Variants in ME1 observed in about 807,000 individuals in gnomAD.
The protein encoded by ME1 is malic enzyme 1, also known as NADP-dependent malic enzyme.
Under a neutral mutation model 66.4 loss-of-function variants are expected in ME1, and 74 were observed. The ratio of observed to expected loss-of-function variants is 1.11; its 90% CI spans 0.92 to 1.35. The LOEUF (loss-of-function observed/expected upper bound fraction) is 1.35, where lower values mean the gene tolerates loss of function less well. Ranked by LOEUF, ME1 falls within the 40% of genes most tolerant of loss-of-function variation. The pLI is 0.00. For missense variants in ME1, 750 were observed against 694.1 expected (o/e 1.08, Z -0.90); for synonymous variants, 251 against 235.6 (o/e 1.07, Z -0.60).
At chr6:83,292,309 A>T (rs187059037) in intron 6 of ME1, among the ~76,000 whole-genome samples, 416 of 152,146 alleles carry the variant, frequency 2.7e-3, no homozygotes, top group Non-Finnish European at 5.0e-3. Context: ...TTTGGTGTGG[A>T]TGTCCTTCTT....
At chr6:83,237,287 GGAAGGAA>G (rs1562455311) in intron 9 of ME1, among the ~76,000 whole-genome samples, 3 of 45,858 alleles carry the variant, frequency 6.5e-5, no homozygotes, top group Non-Finnish European at 1.3e-4. Context: ...AAGGAAGGAA[GGAAGGAA>G]AGAAAGAAAA....
At chr6:83,416,893 TA>T (rs34223363) in intron 1 of ME1, among the ~76,000 whole-genome samples, 18,151 of 123,828 alleles carry the variant, frequency 0.15, 1,209 homozygotes, top group Middle Eastern at 0.28. Context: ...GAGATTTGTC[TA>T]AAAAAAAAAA....
In ME1 at chr6:83,430,939, G is replaced by A; in HGVS notation, c.16C>T (p.Pro6Ser). Residue 6 changes from proline to serine, a missense_variant, in exon 1 of 14, where the codon CCC becomes TCC. Pro to Ser is a moderately conservative substitution (Grantham distance 74). Transcript: ENST00000369705. The stretch of plus-strand genomic sequence containing the variant: ...CGCTGATGGGTGTGGCGGCGACGGG[G>A]GGCTTCGGGCTCCATGGCTGGCGCC... MEPEA[P>S]RRRHTHQRGY... The A allele has an allele frequency of 1.3e-6, 2 of 1,586,166 alleles. No homozygotes were observed. Among genetic ancestry groups the A allele is most frequent in the African/African-American group, 1.4e-5 (1 of 71,860 alleles).
chr6:83,429,259 T>C (rs764410220), intron 1 of ME1, among the ~76,000 whole-genome samples: 5 of 151,604 alleles, frequency 3.3e-5, no homozygotes, highest in African/African-American at 2.4e-5. Context: ...CGCGACTCCG[T>C]CTCAAATAAT....
chr6:83,245,454 G>A (rs1474408057), intron 7 of ME1, among the ~76,000 whole-genome samples: 1 of 152,070 alleles, frequency 6.6e-6, no homozygotes, highest in Non-Finnish European at 1.5e-5. Context: ...TGTTCATGCT[G>A]GAGTGCAATG....
intron 7 of ME1, among the ~76,000 whole-genome samples, chr6:83,250,511 C>T (rs1179157821): frequency 6.6e-6 from 1 of 152,206 alleles, no homozygotes; most frequent in Non-Finnish European, 1.5e-5. Flanking sequence ...CTCACTTTAT[C>T]CATCTCAGTT....
intron 3 of ME1, among the ~76,000 whole-genome samples, chr6:83,369,886 G>C (rs1414158371): frequency 6.6e-6 from 1 of 152,022 alleles, no homozygotes; most frequent in Non-Finnish European, 1.5e-5. Flanking sequence ...ACTGATTACA[G>C]AGAATTCTTA....
At chr6:83,228,706 G>A (rs1015696415) in intron 10 of ME1, 120 bp downstream of exon 10, 7 of 690,506 alleles carry the variant, frequency 1.0e-5, no homozygotes, top group Non-Finnish European at 1.5e-5. Context: ...ACTGTCGCTT[G>A]AGCGAACGTG....
chr6:83,400,464 T>A (rs1432949011), intron 2 of ME1, among the ~76,000 whole-genome samples: 1 of 152,222 alleles, frequency 6.6e-6, no homozygotes, highest in African/African-American at 2.4e-5. Flanking sequence ...TATTTCTTTA[T>A]AGCAATGCAA....
intron 2 of ME1, among the ~76,000 whole-genome samples, chr6:83,398,905 C>A (rs760874680): frequency 2.5e-4 from 38 of 152,024 alleles, no homozygotes; most frequent in Non-Finnish European, 4.9e-4. Flanking sequence ...AGTTCAAGAC[C>A]AGCCTGGCCA....
At chr6:83,340,697 CA>C (rs1468085026) in intron 5 of ME1, among the ~76,000 whole-genome samples, 3 of 149,604 alleles carry the variant, frequency 2.0e-5, no homozygotes, top group African/African-American at 7.4e-5. Context: ...TTTTTTTTAC[CA>C]AGTTTGGATA....
intron 1 of ME1, among the ~76,000 whole-genome samples, chr6:83,416,850 C>T (rs1414473330): frequency 6.7e-6 from 1 of 148,518 alleles, no homozygotes; most frequent in Non-Finnish European, 1.5e-5. Flanking sequence ...GAGTCAAGAT[C>T]ATGCCACTGC....
At chr6:83,216,694 A>C (rs1244617878) in intron 12 of ME1, 98 bp from the exon 13 acceptor site, 2 of 727,422 alleles carry the variant, frequency 2.7e-6, no homozygotes, top group African/African-American at 3.6e-5. Flanking sequence ...ATAATGGTCT[A>C]TACAAAAACC....
chr6:83,398,580 CTAAT>C (rs2128550759), intron 2 of ME1, 64 bp from the exon 3 acceptor site: 1 of 811,428 alleles, frequency 1.2e-6, no homozygotes, highest in Non-Finnish European at 1.9e-6. Flanking sequence ...ACTTAGAAAT[CTAAT>C]TAAATATTTT....
At chr6:83,425,469 G>A (rs1323341563) in intron 1 of ME1, among the ~76,000 whole-genome samples, 1 of 152,076 alleles carries the variant, frequency 6.6e-6, no homozygotes, top group African/African-American at 2.4e-5. Context: ...TGGCGGGAGG[G>A]GAAACAAACA....
At position 83,398,551 on chromosome 6, in the gene ME1, A is replaced by G. The variant is rs747520240; in HGVS notation, c.213-35T>C. On this transcript the variant is annotated intron_variant, in intron 2 of 13. Coordinates refer to ENST00000369705, the MANE Select transcript of ME1 (RefSeq NM_002395.6). The stretch of plus-strand genomic sequence containing the variant: ...TTGGACATAATTAGATCTACATCCC[A>G]TAAAGTCATGAAATAGCTACTTAGA... 16 of 1,205,936 alleles carry G rather than the reference A, an allele frequency of 1.3e-5. No individual in the cohort carries two copies. The Admixed American group carries it at 3.5e-4, about 26-fold the overall frequency. The allele number at this position is 1,205,936 out of a possible 1,614,324, so 74.7% of individuals were successfully genotyped here.
chr6:83,416,668 C>T lies in ME1; in HGVS notation c.79-8767G>A, dbSNP rs558878815. The stretch of plus-strand genomic sequence containing the variant: ...GTTTGGGAGGCCAAGGCAGGAGGAT[C>T]GCTTGAGCTCAGGAGTGCGAGACCA... On this transcript the variant is annotated intron_variant, in intron 1 of 13. Transcript: ENST00000369705. 4.3e-4 allele frequency among the ~76,000 whole-genome samples: 66 copies of T among 152,134 alleles called. 1 individual carries two copies. In the South Asian group the frequency reaches 0.013, roughly 30 times the overall value.
At chr6:83,387,102 A>T (rs867752841) in intron 3 of ME1, among the ~76,000 whole-genome samples, 7 of 152,178 alleles carry the variant, frequency 4.6e-5, no homozygotes, top group Admixed American at 1.3e-4. Context: ...TTTCTTTTCC[A>T]TAAACAACTT....
intron 2 of ME1, among the ~76,000 whole-genome samples, chr6:83,403,928 A>C (rs1201108534): frequency 6.6e-6 from 1 of 152,130 alleles, no homozygotes; most frequent in Admixed American, 6.5e-5. Flanking sequence ...GGTTGGTTCC[A>C]TGTCTTTGCT....
Sources: gnomAD v4.1 joint callset for allele counts (sites outside exome capture counted in the v4.1 genomes callset) on GRCh38, gnomAD v4.1.1 for gene constraint, MANE v1.5 for transcripts, NCBI Gene and HGNC (gene_info 2026-07-23, HGNC 2026-07-21) for gene names.